GRIK1: variants seen among roughly 807,000 people sequenced by gnomAD.
The protein encoded by GRIK1 is glutamate receptor ionotropic, kainate 1.
GRIK1 carries 69 observed loss-of-function variants against 105.7 expected under a neutral mutation model. That is an observed-to-expected ratio of 0.65 (90% CI 0.54 to 0.80). The LOEUF (loss-of-function observed/expected upper bound fraction) is 0.80, where lower values mean the gene tolerates loss of function less well. Among genes scored for constraint, GRIK1 ranks in the 30% least tolerant of loss-of-function variants. GRIK1 has a pLI of 0.00. For synonymous variants in GRIK1, 438 were observed against 431.3 expected, an observed-to-expected ratio of 1.02 and a Z score of -0.19; for missense variants, 1,109 against 1,167.3, an observed-to-expected ratio of 0.95 and a Z score of 0.73.
chr21:29,851,000 T>G (rs532273595), intron 1 of GRIK1, among the ~76,000 whole-genome samples: 2 of 152,206 alleles, frequency 1.3e-5, no homozygotes, highest in African/African-American at 4.8e-5. Context: ...GTACAAACTC[T>G]TAGCTTATTT....
At chr21:29,872,207 T>C (rs1037023337) in intron 1 of GRIK1, among the ~76,000 whole-genome samples, 7 of 150,292 alleles carry the variant, frequency 4.7e-5, no homozygotes, top group African/African-American at 1.7e-4. Flanking sequence ...TTTTTTTTTT[T>C]TTTTGAGACG....
At position 29,598,935 on chromosome 21, in the gene GRIK1, G is replaced by C. The variant is rs2061467279; in HGVS notation, c.1101C>G (p.Ala367=). The stretch of plus-strand genomic sequence containing the variant: ...TATGCCCAGTCAAGCCATCCCACCG[G>C]GCCTGTGGACAAGAAGAAATGTGGC... ...GPRFMNLIKE[A]RWDGLTGHIT... Residue 367 remains alanine, a splice_region_variant and synonymous_variant, in exon 8 of 18, where the codon GCC becomes GCG. Transcript: ENST00000327783. The C allele has an allele frequency of 4.7e-6, 7 of 1,491,232 alleles. No homozygotes were observed. Among genetic ancestry groups the C allele is most frequent in the African/African-American group, 1.4e-5 (1 of 71,498 alleles). 92.4% of individuals were successfully genotyped at this position (1,491,232 alleles called of 1,614,324 possible).
At chr21:29,636,645 G>A (rs1436123138) in intron 7 of GRIK1, among the ~76,000 whole-genome samples, 1 of 152,186 alleles carries the variant, frequency 6.6e-6, no homozygotes, top group African/African-American at 2.4e-5. Context: ...ATAAACACTT[G>A]CATATTTCTC....
chr21:29,580,564 G>T (rs988400345), intron 13 of GRIK1, among the ~76,000 whole-genome samples: 11 of 152,132 alleles, frequency 7.2e-5, no homozygotes, highest in Middle Eastern at 3.4e-3. Context: ...AGAAACCTTA[G>T]GGTTCACCCC....
At chr21:29,795,707 C>T (rs1431410934) in intron 1 of GRIK1, among the ~76,000 whole-genome samples, 5 of 152,334 alleles carry the variant, frequency 3.3e-5, no homozygotes, top group Non-Finnish European at 7.3e-5. Context: ...ACTTCCTACA[C>T]AGAAATAACT....
intron 1 of GRIK1, among the ~76,000 whole-genome samples, chr21:29,857,311 C>T (rs953085667): frequency 6.6e-6 from 1 of 152,206 alleles, no homozygotes; most frequent in African/African-American, 2.4e-5. Flanking sequence ...TGTCTGACTT[C>T]AAATTTGTGT....
At chr21:29,727,093 T>G (rs1027787681) in intron 1 of GRIK1, among the ~76,000 whole-genome samples, 4 of 151,708 alleles carry the variant, frequency 2.6e-5, no homozygotes, top group African/African-American at 9.7e-5. Context: ...CAAGAAAAAT[T>G]TTTTGTATTT....
In GRIK1 at chr21:29,598,927, TC is replaced by T; in HGVS notation, c.1108del (p.Asp370MetfsTer3). 1 of 1,553,780 alleles carries T rather than the reference TC, an allele frequency of 6.4e-7. No homozygotes were observed. The highest frequency in any genetic ancestry group is 8.8e-7 in the Non-Finnish European group (1 of 1,130,912). On this transcript the variant is annotated frameshift_variant, in exon 8 of 18. Transcript: ENST00000327783. LOFTEE classifies it high-confidence loss of function. ...FMNLIKEARWDGLTGHITFNK... is the reference protein window; with the variant it reads ...FMNLIKEARWXGLTGHITFNK... ...AAAGGTGATATGCCCAGTCAAGCCATCCCACCGGGCCTGTGGACAAGAAGAA... is the reference window on the plus strand; with the variant it reads ...AAAGGTGATATGCCCAGTCAAGCCATCCACCGGGCCTGTGGACAAGAAGAA...
At chr21:29,892,091 G>A (rs1340855440) in intron 1 of GRIK1, among the ~76,000 whole-genome samples, 1 of 152,212 alleles carries the variant, frequency 6.6e-6, no homozygotes, top group East Asian at 1.9e-4. Flanking sequence ...TTGCAGAGCT[G>A]CAACTCAGAG....
chr21:29,599,069 G>A lies in GRIK1; in HGVS notation c.1099-132C>T, dbSNP rs146786247. 1.9e-5 allele frequency: 10 copies of A among 540,382 alleles called. No individual in the cohort carries two copies. The East Asian group carries it at 2.8e-4, about 15-fold the overall frequency. 33.5% of individuals were successfully genotyped at this position (540,382 alleles called of 1,614,324 possible). A position where few individuals can be genotyped will look rare whatever the true frequency, so the allele number is the denominator to read the frequency against. On this transcript the variant is annotated intron_variant, in intron 7 of 17. Transcript: ENST00000327783. ...TTTCATCATGCTGTTATAAACCATT[G>A]CATTGGTTCAGCGACAAGATAGCAG... is the stretch of plus-strand genomic sequence containing the variant.
intron 1 of GRIK1, among the ~76,000 whole-genome samples, chr21:29,859,941 C>T (rs2068585296): frequency 6.6e-6 from 1 of 152,012 alleles, no homozygotes; most frequent in South Asian, 2.1e-4. Flanking sequence ...AATGAGAAAC[C>T]ATCTATAGTA....
chr21:29,760,357 T>G (rs1250639956), intron 1 of GRIK1: 1 of 152,262 alleles, frequency 6.6e-6, no homozygotes, highest in Non-Finnish European at 1.5e-5. Context: ...GGGGACCTCA[T>G]TGCACATCAG....
intron 15 of GRIK1, among the ~76,000 whole-genome samples, chr21:29,556,252 G>A (rs182724330): frequency 1.8e-3 from 277 of 152,144 alleles, no homozygotes; most frequent in Middle Eastern, 3.4e-3. Flanking sequence ...TCATAGCTCC[G>A]CCTGTAACCA....
chr21:29,867,903 A>AG lies in GRIK1; in HGVS notation c.118+71479_118+71480insC, dbSNP rs200224917. ...GAGAGAGAAAGAGAGAGAGAGAGAG[A>AG]AAGAAAGAGAGAGAAAGAGAGAAAG... On this transcript the variant is annotated intron_variant, in intron 1 of 17. Coordinates refer to ENST00000327783, the MANE Select transcript of GRIK1 (RefSeq NM_001330994.2). 4.9e-3 allele frequency among the ~76,000 whole-genome samples: 516 copies of AG among 106,172 alleles called. 5 individuals carry two copies. The highest frequency in any genetic ancestry group is 6.5e-3 in the Non-Finnish European group (351 of 53,764). 69.7% of individuals were successfully genotyped at this position (106,172 alleles called of 152,430 possible). A position where few individuals can be genotyped will look rare whatever the true frequency, so the allele number is the denominator to read the frequency against.
intron 1 of GRIK1, among the ~76,000 whole-genome samples, chr21:29,754,250 TACA>T (rs1288849713): frequency 6.6e-6 from 1 of 152,046 alleles, no homozygotes; most frequent in Non-Finnish European, 1.5e-5. Flanking sequence ...AATAAATAAA[TACA>T]ACAATAGGAA....
At chr21:29,840,169 A>G in intron 1 of GRIK1, among the ~76,000 whole-genome samples, 1 of 152,160 alleles carries the variant, frequency 6.6e-6, no homozygotes, top group South Asian at 2.1e-4. Flanking sequence ...TAATTTGGGG[A>G]AAATGTTTTC....
At chr21:29,722,224 A>T (rs1332752553) in intron 1 of GRIK1, among the ~76,000 whole-genome samples, 1 of 152,090 alleles carries the variant, frequency 6.6e-6, no homozygotes, top group East Asian at 1.9e-4. Context: ...GGCAGAGATG[A>T]CTCACAGCAG....
intron 7 of GRIK1, among the ~76,000 whole-genome samples, chr21:29,637,255 C>A (rs2062414739): frequency 1.3e-5 from 2 of 152,186 alleles, no homozygotes; most frequent in South Asian, 4.1e-4. Flanking sequence ...CTTCCCAGCA[C>A]CCCTGATTAG....
At chr21:29,825,647 TA>T (rs2067432753) in intron 1 of GRIK1, among the ~76,000 whole-genome samples, 1 of 152,126 alleles carries the variant, frequency 6.6e-6, no homozygotes, top group Non-Finnish European at 1.5e-5. Context: ...TGAATCATTT[TA>T]AGAGATTACA....
Sources: gnomAD v4.1 joint callset for allele counts (sites outside exome capture counted in the v4.1 genomes callset) on GRCh38, gnomAD v4.1.1 for gene constraint, MANE v1.5 for transcripts, NCBI Gene and HGNC (gene_info 2026-07-23, HGNC 2026-07-21) for gene names.